The following NRG3 variants were observed in gnomAD, a reference collection of about 807,000 sequenced individuals.
NRG3 encodes neuregulin 3.
In NRG3, 31 loss-of-function variants were observed where a neutral mutation model predicts 66.9. The observed-to-expected ratio is 0.46, with a 90% CI of 0.35 to 0.63. The LOEUF (loss-of-function observed/expected upper bound fraction) is 0.63, where lower values mean the gene tolerates loss of function less well. Among genes scored for constraint, NRG3 ranks in the 20% least tolerant of loss-of-function variants. The pLI is 0.00. For missense variants in NRG3, 910 were observed against 878.9 expected, an observed-to-expected ratio of 1.04 and a Z score of -0.45; for synonymous variants, 393 against 359.4, an observed-to-expected ratio of 1.09 and a Z score of -1.06.
At chr10:82,554,000 C>A (rs1361020460) in intron 2 of NRG3, among the ~76,000 whole-genome samples, 1 of 152,120 alleles carries the variant, frequency 6.6e-6, no homozygotes, top group African/African-American at 2.4e-5. Flanking sequence ...TCAAACTCTT[C>A]AGGATTCAGG....
intron 2 of NRG3, among the ~76,000 whole-genome samples, chr10:82,456,408 C>G (rs6584742): frequency 0.13 from 19,243 of 152,072 alleles, 1,347 homozygotes; most frequent in Admixed American, 0.2. Context: ...CTCAAGCAAT[C>G]CTCCCTTCTT....
In NRG3 at chr10:82,169,441, T is replaced by C. The variant is rs559813402; in HGVS notation, c.824-189298T>C. Among the ~76,000 whole-genome samples, 433 of 151,954 alleles carry C rather than the reference T, an allele frequency of 2.8e-3. 1 individual carries two copies. The highest frequency in any genetic ancestry group is 4.8e-3 in the Admixed American group (73 of 15,232). ...TATATATTATTAGTTTTTGTAACTT[T>C]GTATCTTTTGTTTTTCACTTCCCTT... On this transcript the variant is annotated intron_variant, in intron 1 of 8. Transcript: ENST00000372141.
At chr10:82,561,500 C>T (rs1363518064) in intron 2 of NRG3, among the ~76,000 whole-genome samples, 1 of 152,082 alleles carries the variant, frequency 6.6e-6, no homozygotes, top group Non-Finnish European at 1.5e-5. Context: ...AAAAATACAA[C>T]AAATTAGCCG....
At chr10:82,812,518 A>C (rs2061531865) in intron 3 of NRG3, among the ~76,000 whole-genome samples, 1 of 152,168 alleles carries the variant, frequency 6.6e-6, no homozygotes. Context: ...GCTTCTATTA[A>C]ACTGACATAA....
At chr10:82,132,481 T>TATATATATATATCATATATATATC (rs1379496349) in intron 1 of NRG3, among the ~76,000 whole-genome samples, 1 of 7,316 alleles carries the variant, frequency 1.4e-4, no homozygotes, top group Non-Finnish European at 3.6e-4. Context: ...ATATATATGA[T>TATATATATATATCATATATATATC]ATATATATAT....
chr10:82,371,776 T>A (rs1301359584), intron 2 of NRG3, among the ~76,000 whole-genome samples: 1 of 152,126 alleles, frequency 6.6e-6, no homozygotes, highest in East Asian at 1.9e-4. Flanking sequence ...AGGGGAGCAT[T>A]ATGTGCAGAG....
intron 1 of NRG3, among the ~76,000 whole-genome samples, chr10:82,074,938 G>T (rs1008180487): frequency 6.6e-6 from 1 of 152,166 alleles, no homozygotes; most frequent in Non-Finnish European, 1.5e-5. Context: ...AGCAGTATAT[G>T]AAATTCTCCT....
intron 1 of NRG3, among the ~76,000 whole-genome samples, chr10:82,133,161 T>G (rs545807850): frequency 4.3e-3 from 659 of 151,654 alleles, no homozygotes; most frequent in Admixed American, 7.2e-3. Flanking sequence ...GTTGTTTATT[T>G]GAAATTTTTC....
At chr10:82,694,811 T>G (rs149521998) in intron 2 of NRG3, among the ~76,000 whole-genome samples, 13 of 152,276 alleles carry the variant, frequency 8.5e-5, no homozygotes, top group African/African-American at 3.1e-4. Context: ...TTTTATAAAT[T>G]TATTCAAATT....
At chr10:82,388,361 T>C (rs574884876) in intron 2 of NRG3, among the ~76,000 whole-genome samples, 1 of 152,322 alleles carries the variant, frequency 6.6e-6, no homozygotes, top group South Asian at 2.1e-4. Flanking sequence ...TGTGTATGGA[T>C]TTTATATATG....
chr10:82,319,302 C>G (rs142462578), intron 1 of NRG3, among the ~76,000 whole-genome samples: 1 of 152,144 alleles, frequency 6.6e-6, no homozygotes, highest in Admixed American at 6.5e-5. Flanking sequence ...ATTAGTCAAT[C>G]GCTTTTTCTA....
chr10:82,188,168 G>A lies in NRG3; in HGVS notation c.824-170571G>A, dbSNP rs112208898. 7.0e-3 allele frequency among the ~76,000 whole-genome samples: 1,067 copies of A among 152,170 alleles called. 5 individuals carry two copies. The highest frequency in any genetic ancestry group is 0.011 in the Non-Finnish European group (721 of 67,996). On this transcript the variant is annotated intron_variant, in intron 1 of 8. Transcript: ENST00000372141. ...CCAGAAACAAATACACACACCTACA[G>A]TATACTCATTTTTAACAAAGGTACC...
At chr10:82,874,477 T>A (rs1841627537) in intron 4 of NRG3, among the ~76,000 whole-genome samples, 2 of 151,452 alleles carry the variant, frequency 1.3e-5, no homozygotes, top group Admixed American at 1.3e-4. Flanking sequence ...GAATATATTA[T>A]ATTTCTGTAT....
intron 2 of NRG3, among the ~76,000 whole-genome samples, chr10:82,596,719 C>T (rs1198704976): frequency 6.6e-6 from 1 of 152,182 alleles, no homozygotes; most frequent in Non-Finnish European, 1.5e-5. Context: ...AACTCATCCT[C>T]ACAGGTGTAT....
chr10:82,695,566 A>G (rs2055313435), intron 2 of NRG3, among the ~76,000 whole-genome samples: 1 of 152,096 alleles, frequency 6.6e-6, no homozygotes, highest in Non-Finnish European at 1.5e-5. Context: ...AAAGGGCTAG[A>G]AGAAAATTTT....
intron 1 of NRG3, among the ~76,000 whole-genome samples, chr10:82,247,060 G>T (rs981705581): frequency 3.3e-5 from 5 of 152,116 alleles, no homozygotes; most frequent in African/African-American, 1.2e-4. Context: ...ATTAAAAGGA[G>T]GCTGAAAATT....
In NRG3 at chr10:82,679,946, T is replaced by C. The variant is rs150735088; in HGVS notation, c.954-58631T>C. ...TATGTATTTTATTTCAGAGCTATGATATCAAAATATCTATTTTGATATGAT... is the reference window on the plus strand; with the variant it reads ...TATGTATTTTATTTCAGAGCTATGACATCAAAATATCTATTTTGATATGAT... On this transcript the variant is annotated intron_variant, in intron 2 of 8. Transcript: ENST00000372141. 6.3e-3 allele frequency among the ~76,000 whole-genome samples: 954 copies of C among 152,320 alleles called. 6 individuals are homozygous for C. The highest frequency in any genetic ancestry group is 0.017 in the South Asian group (83 of 4,832).
chr10:82,745,476 TG>T (rs2058603603), intron 3 of NRG3, among the ~76,000 whole-genome samples: 1 of 152,192 alleles, frequency 6.6e-6, no homozygotes, highest in Non-Finnish European at 1.5e-5. Flanking sequence ...TAAGCTACTC[TG>T]CCTTCCAGGA....
chr10:82,560,877 A>T (rs972262717), intron 2 of NRG3, among the ~76,000 whole-genome samples: 7 of 151,870 alleles, frequency 4.6e-5, no homozygotes, highest in African/African-American at 1.7e-4. Context: ...TTTTTCTGTT[A>T]GTTTTTCAAT....
Sources: allele counts gnomAD v4.1 joint callset (sites outside exome capture counted in the v4.1 genomes callset), GRCh38; gene constraint gnomAD v4.1.1; transcripts MANE v1.5; gene names NCBI Gene and HGNC (gene_info 2026-07-23, HGNC 2026-07-21).